The following ABI1 variants were observed in gnomAD, a reference collection of about 807,000 sequenced individuals.
ABI1 encodes the protein abl interactor 1.
Under a neutral mutation model 54.6 loss-of-function variants are expected in ABI1, and 14 were observed. That is an observed-to-expected ratio of 0.26 (90% CI 0.17 to 0.40). The LOEUF (loss-of-function observed/expected upper bound fraction) is 0.40, where lower values mean the gene tolerates loss of function less well. ABI1 is among the 10% of genes least tolerant of loss of function. The pLI is 1.00. For synonymous variants in ABI1, 194 were observed against 209.3 expected (o/e 0.93, Z 0.63); for missense variants, 443 against 598.3 (o/e 0.74, Z 2.71).
rs1216602622 is a variant in ABI1, at chr10:26,815,733, T to G, written c.285+7405A>C. ...GACCAGCCTGGGCAACACAGCAAGATCCCATCTCTACCTCACCACCCAAAA... is the reference window on the plus strand; with the variant it reads ...GACCAGCCTGGGCAACACAGCAAGAGCCCATCTCTACCTCACCACCCAAAA... On this transcript the variant is annotated intron_variant, in intron 2 of 10. Transcript: ENST00000376140. Among the ~76,000 whole-genome samples the G allele has an allele frequency of 2.6e-5, 4 of 152,126 alleles. No homozygotes were observed. The East Asian group carries it at 7.7e-4, about 29-fold the overall frequency.
At chr10:26,784,893 A>G (rs1378743969) in intron 2 of ABI1, among the ~76,000 whole-genome samples, 1 of 152,204 alleles carries the variant, frequency 6.6e-6, no homozygotes, top group African/African-American at 2.4e-5. Flanking sequence ...TGTGCTCTAT[A>G]TTCTGCAGTA....
At chr10:26,843,049 GTAAA>G (rs1235308045) in intron 1 of ABI1, among the ~76,000 whole-genome samples, 5 of 151,522 alleles carry the variant, frequency 3.3e-5, no homozygotes, top group African/African-American at 9.7e-5. Context: ...ATCTTAAAAA[GTAAA>G]TAAATAAATA....
chr10:26,843,453 CAAAAAAAAAAAAAAAAAAAA>C (rs147957853), intron 1 of ABI1, among the ~76,000 whole-genome samples: 3 of 53,082 alleles, frequency 5.7e-5, no homozygotes, highest in Non-Finnish European at 1.2e-4. Context: ...GACTCCGTCT[CAAAAAAAAAAAAAAAAAAAA>C]AAAAAAAAAA....
chr10:26,803,968 A>C (rs2046721763), intron 2 of ABI1, among the ~76,000 whole-genome samples: 1 of 152,066 alleles, frequency 6.6e-6, no homozygotes, highest in South Asian at 2.1e-4. Context: ...GAAGTAAAAA[A>C]AAATTCTGCT....
intron 1 of ABI1, among the ~76,000 whole-genome samples, chr10:26,854,572 G>A (rs2050666721): frequency 1.3e-5 from 2 of 152,140 alleles, no homozygotes; most frequent in Non-Finnish European, 2.9e-5. Context: ...GACATGGTAT[G>A]GGTCGATTTA....
intron 2 of ABI1, among the ~76,000 whole-genome samples, chr10:26,781,694 G>A (rs1564491236): frequency 6.6e-6 from 1 of 152,152 alleles, no homozygotes; most frequent in Non-Finnish European, 1.5e-5. Context: ...TCAGCCACTT[G>A]GAAAACTACA....
intron 6 of ABI1, among the ~76,000 whole-genome samples, chr10:26,767,933 C>G (rs899326704): frequency 6.6e-6 from 1 of 151,940 alleles, no homozygotes; most frequent in Non-Finnish European, 1.5e-5. Context: ...GTAATCCCAG[C>G]TACTCTGGAA....
chr10:26,859,176 G>A lies in ABI1; in HGVS notation c.117+1571C>T, dbSNP rs140323375. ...GGGCTAAATATAAAGTTTGCACAAA[G>A]TGATACAGTAGATGTGGCAGGCATT... On this transcript the variant is annotated intron_variant, in intron 1 of 10. Coordinates refer to ENST00000376140, the MANE Select transcript of ABI1 (RefSeq NM_001012750.3). 1.5e-3 allele frequency among the ~76,000 whole-genome samples: 231 copies of A among 152,078 alleles called. 1 individual carries two copies. Among genetic ancestry groups the A allele is most frequent in the African/African-American group, 5.3e-3 (221 of 41,490 alleles).
intron 1 of ABI1, among the ~76,000 whole-genome samples, chr10:26,848,118 G>A (rs2050116230): frequency 6.7e-6 from 1 of 149,630 alleles, no homozygotes; most frequent in Non-Finnish European, 1.5e-5. Context: ...AGGATGACCT[G>A]AGCCCAGGAT....
chr10:26,788,654 TGTAATCCC>T (rs1843003189), intron 2 of ABI1, among the ~76,000 whole-genome samples: 2 of 152,044 alleles, frequency 1.3e-5, no homozygotes, highest in Non-Finnish European at 2.9e-5. Flanking sequence ...GGCTCACGCC[TGTAATCCC>T]AGCACTTTGG....
chr10:26,806,960 T>C (rs1242259249), intron 2 of ABI1, among the ~76,000 whole-genome samples: 1 of 152,238 alleles, frequency 6.6e-6, no homozygotes, highest in Non-Finnish European at 1.5e-5. Flanking sequence ...ATGCATGTAA[T>C]TGCAAGTTTT....
At chr10:26,776,957 C>A in intron 3 of ABI1, 108 bp downstream of exon 3, 1 of 1,012,320 alleles carries the variant, frequency 9.9e-7, no homozygotes. Context: ...AATTATAATG[C>A]CAGCTGCTAA....
In ABI1 at chr10:26,860,427, C is replaced by A. The variant is rs892242585; in HGVS notation, c.117+320G>T. ...GAGGCTACCTGGGGGGCGCGCGACCCCGGTGGCCGGGCCCTGGGGGAAGCG... is the reference window on the plus strand; with the variant it reads ...GAGGCTACCTGGGGGGCGCGCGACCACGGTGGCCGGGCCCTGGGGGAAGCG... On this transcript the variant is annotated intron_variant, in intron 1 of 10. Transcript: ENST00000376140. This position sits in a 1 kb window ranked among gnomAD's most constrained non-coding sequence, Gnocchi z 4.1. Among the ~76,000 whole-genome samples, 6 of 152,184 alleles carry A rather than the reference C, an allele frequency of 3.9e-5. No individual in the cohort carries two copies. The highest frequency in any genetic ancestry group is 1.4e-4 in the African/African-American group (6 of 41,450).
chr10:26,794,249 A>G (rs1843835009), intron 2 of ABI1, among the ~76,000 whole-genome samples: 1 of 152,056 alleles, frequency 6.6e-6, no homozygotes, highest in South Asian at 2.1e-4. Flanking sequence ...AAATAAAAAT[A>G]AAAATAATAA....
In ABI1 at chr10:26,770,325, T is replaced by C. The variant is rs1306568921; in HGVS notation, c.498A>G (p.Ala166=). The C allele has an allele frequency of 3.1e-6, 5 of 1,613,934 alleles. No individual in the cohort carries two copies. Among genetic ancestry groups the C allele is most frequent in the Non-Finnish European group, 4.2e-6 (5 of 1,179,902 alleles). Residue 166 remains alanine, a synonymous_variant, in exon 5 of 11, where the codon GCA becomes GCG. Transcript: ENST00000376140. ...LKAKHGNNQP[A]RTGTLSRTNP... is the part of the protein sequence containing the mutation. ...TTGTTCTCGACAGTGTGCCAGTTCT[T>C]GCAGGCTGGTTATTTCCATGCTAAA...
At chr10:26,760,664 C>T (rs536199839) in intron 7 of ABI1, among the ~76,000 whole-genome samples, 21 of 152,028 alleles carry the variant, frequency 1.4e-4, no homozygotes, top group African/African-American at 4.3e-4. Flanking sequence ...CCGAGGCAGG[C>T]GGATCACCTG....
At chr10:26,840,893 A>G (rs1211675018) in intron 1 of ABI1, among the ~76,000 whole-genome samples, 2 of 152,242 alleles carry the variant, frequency 1.3e-5, no homozygotes, top group Admixed American at 1.3e-4. Context: ...TATGGGCCAC[A>G]CCAATACAGT....
chr10:26,766,430 T>A (rs1284256402), intron 6 of ABI1, among the ~76,000 whole-genome samples: 1 of 152,240 alleles, frequency 6.6e-6, no homozygotes, highest in Admixed American at 6.5e-5. Flanking sequence ...AAAATCTACA[T>A]AATTTGCTCA....
At chr10:26,822,072 A>T (rs1337580015) in intron 2 of ABI1, among the ~76,000 whole-genome samples, 7 of 152,190 alleles carry the variant, frequency 4.6e-5, no homozygotes, top group Admixed American at 3.9e-4. Flanking sequence ...AGGCATTACA[A>T]GAAAACCACA....
Sources: allele counts gnomAD v4.1 joint callset (sites outside exome capture counted in the v4.1 genomes callset), GRCh38; gene constraint gnomAD v4.1.1; non-coding constraint Gnocchi (gnomAD v3.1); transcripts MANE v1.5; gene names NCBI Gene and HGNC (gene_info 2026-07-23, HGNC 2026-07-21).